Variants in SORBS3 observed in about 807,000 individuals in gnomAD.
SORBS3 encodes the protein vinexin.
SORBS3 carries 69 observed loss-of-function variants against 98.0 expected under a neutral mutation model. The observed-to-expected ratio is 0.70, with a 90% confidence interval of 0.58 to 0.86. SORBS3 has a LOEUF of 0.86. SORBS3 is among the 40% of genes least tolerant of loss of function. The pLI, the probability that SORBS3 is intolerant of heterozygous loss-of-function variation, is 0.00. For synonymous variants in SORBS3, 394 were observed against 355.4 expected, an observed-to-expected ratio of 1.11 and a Z score of -1.22; for missense variants, 954 against 908.5, an observed-to-expected ratio of 1.05 and a Z score of -0.64.
rs151019564 is a variant in SORBS3, at chr8:22,569,571, C to T, written c.1431+298C>T. ...GCCAGGATGGTCTCAGTCTCTTGAC[C>T]TCATAATCCACCCGCCTCAGCCTCC... On this transcript the variant is annotated intron_variant, in intron 17 of 20. Coordinates refer to ENST00000240123, the MANE Select transcript of SORBS3 (RefSeq NM_005775.5). 3.8e-3 allele frequency among the ~76,000 whole-genome samples: 580 copies of T among 152,268 alleles called. 4 individuals are homozygous for T. The highest frequency in any genetic ancestry group is 0.013 in the African/African-American group (554 of 41,562).
chr8:22,561,367 C>A lies in SORBS3; in HGVS notation c.511C>A (p.Pro171Thr), dbSNP rs745597502. 3 of 1,611,910 alleles carry A rather than the reference C, an allele frequency of 1.9e-6. No homozygotes were observed. The highest frequency in any genetic ancestry group is 2.5e-6 in the Non-Finnish European group (3 of 1,178,974). The change falls in exon 6 of 21, where the codon CCC becomes ACC. Residue 171 changes from proline to threonine, a missense_variant. Pro to Thr is a conservative substitution (Grantham distance 38). Coordinates refer to ENST00000240123, the MANE Select transcript of SORBS3 (RefSeq NM_005775.5). ...LQLDWTFEEPPRDPRHLGAQQ... is the reference protein window; with the variant it reads ...LQLDWTFEEPTRDPRHLGAQQ... ...GCTGGACTGGACCTTCGAGGAGCCA[C>A]CCAGAGGTGAGGGGATGCGGGCCCA...
In SORBS3 at chr8:22,564,084, C is replaced by T. The variant is rs1302516694; in HGVS notation, c.675+7C>T. On this transcript the variant is annotated splice_region_variant and intron_variant, in intron 8 of 20. Transcript: ENST00000240123. ...GCTGCAGCCCTCAAATCAGGTAGCC[C>T]ACCCAGCATAGTCCCTGGTCAGCCC... 2 of 1,612,820 alleles carry T rather than the reference C, an allele frequency of 1.2e-6. No individual in the cohort carries two copies. The highest frequency in any genetic ancestry group is 2.7e-5 in the African/African-American group (2 of 75,038).
chr8:22,564,717 A>C, intron 10 of SORBS3, 196 bp downstream of exon 10: 2 of 1,413,590 alleles, frequency 1.4e-6, no homozygotes, highest in Non-Finnish European at 1.9e-6. Flanking sequence ...TGTTAAATAA[A>C]TATGTGTTGG....
rs141486783 is a variant in SORBS3, at chr8:22,554,531, C to G, written c.25C>G (p.Arg9Gly). The G allele has an allele frequency of 3.7e-6, 6 of 1,612,620 alleles. No homozygotes were observed. The East Asian group carries it at 1.3e-4, about 36-fold the overall frequency. ...CATGCAGGGCCCACCCCGCAGCCTC[C>G]GCGCTGGGCTCAGCCTGGACGACTT... MQGPPRSL[R>G]AGLSLDDFIP... is the part of the protein sequence containing the mutation. Residue 9 changes from arginine (R) to glycine (G), a missense_variant, in exon 2 of 21, where the codon CGC becomes GGC. Arg to Gly is a moderately radical substitution (Grantham distance 125, BLOSUM62 -2). Coordinates refer to ENST00000240123, the MANE Select transcript of SORBS3 (RefSeq NM_005775.5). This position sits in a 1 kb window ranked among gnomAD's most constrained non-coding sequence, Gnocchi z 6.5.
In SORBS3 at chr8:22,571,172, G is replaced by T; in HGVS notation, c.1694G>T (p.Arg565Leu). ...PIDLGGQTSP[R>L]RTGFSFPTQE... ...GACTTGGGGGGACAGACCTCCCCCC[G>T]TCGCACTGGCTTCTCCTTCCCCACC... The change falls in exon 18 of 21, where the codon CGT (arginine) becomes CTT (leucine). Residue 565 changes from arginine (R) to leucine (L), a missense_variant. Arg to Leu is a moderately radical substitution (Grantham distance 102). Transcript: ENST00000240123. The T allele has an allele frequency of 6.3e-7, 1 of 1,580,358 alleles. No homozygotes were observed. Among genetic ancestry groups the T allele is most frequent in the South Asian group, 1.1e-5 (1 of 89,704 alleles).
At position 22,575,520 on chromosome 8, in the gene SORBS3, G is replaced by C. The variant is rs546155455; in HGVS notation, c.*792G>C. 2.6e-5 allele frequency: 4 copies of C among 153,630 alleles called. No homozygotes were observed. The highest frequency in any genetic ancestry group is 9.6e-5 in the African/African-American group (4 of 41,584). 9.5% of individuals were successfully genotyped at this position (153,630 alleles called of 1,614,324 possible). ...ACCTTGTCTCTGCGGCCTTTTCCTT[G>C]GGGTAGGGGATGCCTCCTCCTGTCT... On this transcript the variant is annotated 3_prime_UTR_variant, in exon 21 of 21. Coordinates refer to ENST00000240123, the MANE Select transcript of SORBS3 (RefSeq NM_005775.5).
intron 20 of SORBS3, among the ~76,000 whole-genome samples, chr8:22,574,170 T>C (rs981812490): frequency 7.4e-5 from 10 of 135,302 alleles, no homozygotes; most frequent in Non-Finnish European, 1.2e-4. Context: ...CCCGCTGGGG[T>C]TCCCCCCCCT....
At chr8:22,569,929 A>G (rs1056092592) in intron 17 of SORBS3, among the ~76,000 whole-genome samples, 1 of 152,206 alleles carries the variant, frequency 6.6e-6, no homozygotes, top group Non-Finnish European at 1.5e-5. Flanking sequence ...GATCATACTC[A>G]GCATTTTTAA....
At chr8:22,552,062 G>A (rs1840092598) in intron 1 of SORBS3, 40 bp downstream of exon 1, 4 of 985,234 alleles carry the variant, frequency 4.1e-6, no homozygotes, top group African/African-American at 3.5e-5. Context: ...AGGCGAGGCC[G>A]GCGGGAGGGA....
upstream of SORBS3, among the ~76,000 whole-genome samples, chr8:22,551,489 C>T (rs1043285682): frequency 7.2e-5 from 11 of 152,138 alleles, no homozygotes; most frequent in Non-Finnish European, 1.3e-4. This position sits in a 1 kb window ranked among gnomAD's most constrained non-coding sequence, Gnocchi z 5.8. Context: ...TGCGAGGCCG[C>T]TCGCTTCCCA....
chr8:22,567,614 G>A (rs553022898), intron 16 of SORBS3, among the ~76,000 whole-genome samples: 103 of 152,254 alleles, frequency 6.8e-4, no homozygotes, highest in African/African-American at 2.5e-3. Flanking sequence ...TTTACAGATG[G>A]GGATGCCAAG....
chr8:22,570,748 G>T (rs1399775576), intron 17 of SORBS3, among the ~76,000 whole-genome samples, 162 bp from the exon 18 acceptor site: 2 of 152,106 alleles, frequency 1.3e-5, no homozygotes, highest in Non-Finnish European at 2.9e-5. Flanking sequence ...TTGGCTCCTG[G>T]CTCCTGCTCT....
At position 22,571,211 on chromosome 8, in the gene SORBS3, C is replaced by T. The variant is rs767418385; in HGVS notation, c.1733C>T (p.Pro578Leu). The change falls in exon 18 of 21, where the codon CCC becomes CTC. Residue 578 changes from proline (P) to leucine (L), a missense_variant. Transcript: ENST00000240123. ...TCCTTCCCCACCCAGGAGCCTAGAC[C>T]CCAGACCCAGGTGAGGTAGCCTGCC... ...GFSFPTQEPR[P>L]QTQNLGTPGP... The T allele has an allele frequency of 1.9e-6, 3 of 1,540,280 alleles. No individual in the cohort carries two copies. In the African/African-American group the frequency reaches 4.1e-5, roughly 21 times the overall value.
intron 12 of SORBS3, 150 bp from the exon 13 acceptor site, chr8:22,566,195 T>A (rs1840414053): frequency 9.6e-7 from 1 of 1,036,654 alleles, no homozygotes; most frequent in Non-Finnish European, 1.3e-6. Flanking sequence ...ACTCGGGAAG[T>A]AGGACATCCT....
Position 22,566,373 on chromosome 8 carries a change from C to T in SORBS3, c.979C>T (p.Pro327Ser). Residue 327 changes from proline to serine, a missense_variant, in exon 13 of 21, where the codon CCA becomes TCA. Coordinates refer to ENST00000240123, the MANE Select transcript of SORBS3 (RefSeq NM_005775.5). ...GPASAWSSSY[P>S]HAPYLGSARS... ...GGCCTCAGCCTGGAGCTCCAGCTAC[C>T]CACATGCACCTTACCTGGGTTCCGC... 1 of 1,613,928 alleles carries T rather than the reference C, an allele frequency of 6.2e-7. No individual in the cohort carries two copies. Among genetic ancestry groups the T allele is most frequent in the Non-Finnish European group, 8.5e-7 (1 of 1,179,940 alleles).
At chr8:22,558,793 G>A (rs1840236598) in intron 5 of SORBS3, among the ~76,000 whole-genome samples, 1 of 152,224 alleles carries the variant, frequency 6.6e-6, no homozygotes. Context: ...ACCCAGGAGC[G>A]GCCAGGAAGG....
chr8:22,573,006 A>G (rs1287406412), intron 20 of SORBS3, among the ~76,000 whole-genome samples: 4 of 152,218 alleles, frequency 2.6e-5, no homozygotes, highest in Non-Finnish European at 5.9e-5. Context: ...GGCCCTGTGC[A>G]GGTCTCATCT....
intron 12 of SORBS3, 179 bp from the exon 13 acceptor site, chr8:22,566,166 C>A: frequency 2.3e-6 from 2 of 865,320 alleles, no homozygotes; most frequent in Non-Finnish European, 3.3e-6. Flanking sequence ...TGCCGGGCCT[C>A]ACCCTTCCCC....
chr8:22,561,802 C>T, intron 6 of SORBS3, 63 bp from the exon 7 acceptor site: 1 of 1,430,940 alleles, frequency 7.0e-7, no homozygotes, highest in South Asian at 1.1e-5. Context: ...CAGGCACCCT[C>T]AGCCCCAGTC....
Sources: gnomAD v4.1 joint callset for allele counts (sites outside exome capture counted in the v4.1 genomes callset) on GRCh38, gnomAD v4.1.1 for gene constraint, Gnocchi (gnomAD v3.1) non-coding constraint, MANE v1.5 for transcripts, NCBI Gene and HGNC (gene_info 2026-07-23, HGNC 2026-07-21) for gene names.